Variants in PPARD observed in about 807,000 individuals in gnomAD.
PPARD encodes the protein peroxisome proliferator-activated receptor delta.
PPARD carries 6 observed loss-of-function variants against 39.5 expected under a neutral mutation model. The ratio of observed to expected loss-of-function variants is 0.15; its 90% CI spans 0.08 to 0.30. The LOEUF (loss-of-function observed/expected upper bound fraction) is 0.30, where lower values mean the gene tolerates loss of function less well. Ranked by LOEUF, PPARD falls within the 10% of genes least tolerant of loss-of-function variation. The pLI is 1.00. For missense variants in PPARD, 397 were observed against 596.8 expected (o/e 0.67, Z 3.49); for synonymous variants, 210 against 231.3 (o/e 0.91, Z 0.83).
At chr6:35,406,785 A>G (rs1437876708) in intron 2 of PPARD, among the ~76,000 whole-genome samples, 2 of 152,170 alleles carry the variant, frequency 1.3e-5, no homozygotes, top group Non-Finnish European at 2.9e-5. Context: ...GTTCTGGTGA[A>G]AAAAACCCAC....
At chr6:35,351,570 T>G (rs1422272317) in intron 2 of PPARD, among the ~76,000 whole-genome samples, 1 of 152,142 alleles carries the variant, frequency 6.6e-6, no homozygotes, top group Non-Finnish European at 1.5e-5. Flanking sequence ...TGATTTTGTC[T>G]GAGATAGCAT....
intron 2 of PPARD, among the ~76,000 whole-genome samples, chr6:35,394,669 G>A (rs1438360636): frequency 6.6e-6 from 1 of 151,830 alleles, no homozygotes. Flanking sequence ...TACCTGGGAG[G>A]CTGAGGTGGG....
At chr6:35,360,106 G>C (rs918368444) in intron 2 of PPARD, among the ~76,000 whole-genome samples, 2 of 152,154 alleles carry the variant, frequency 1.3e-5, no homozygotes, top group African/African-American at 4.8e-5. Context: ...TCTCATTCCA[G>C]GTCAGTGGAC....
chr6:35,354,982 G>A (rs1761490956), intron 2 of PPARD, among the ~76,000 whole-genome samples: 2 of 152,142 alleles, frequency 1.3e-5, no homozygotes, highest in African/African-American at 2.4e-5. Flanking sequence ...TCTTCCCTGT[G>A]AGGATTAAAA....
rs377039242 is a variant in PPARD at position 35,424,312 on chromosome 6, C to T, written c.628-17C>T. On this transcript the variant is annotated splice_polypyrimidine_tract_variant and intron_variant, in intron 6 of 7. Transcript: ENST00000360694. This position sits in a 1 kb window ranked among gnomAD's most constrained non-coding sequence, Gnocchi z 7.1. Reference sequence around the variant, plus strand: ...GGGTCTCCCGAGGCCTGATCTCTAACGGGGCCTGGTTTTCAGCCCTTTGTG... The same window carrying T: ...GGGTCTCCCGAGGCCTGATCTCTAATGGGGCCTGGTTTTCAGCCCTTTGTG... 7.3e-5 allele frequency: 117 copies of T among 1,607,934 alleles called. 1 individual carries two copies. Among genetic ancestry groups the T allele is most frequent in the South Asian group, 6.9e-4 (63 of 90,766 alleles).
chr6:35,378,160 C>T (rs1762928781), intron 2 of PPARD, among the ~76,000 whole-genome samples: 1 of 152,136 alleles, frequency 6.6e-6, no homozygotes, highest in Non-Finnish European at 1.5e-5. Flanking sequence ...CTGCGCCTGG[C>T]CACGTATCTC....
chr6:35,395,643 G>A (rs1355322745), intron 2 of PPARD, among the ~76,000 whole-genome samples: 1 of 152,202 alleles, frequency 6.6e-6, no homozygotes, highest in Non-Finnish European at 1.5e-5. Flanking sequence ...TTGGTGACCA[G>A]GGCCAGGCAG....
chr6:35,349,760 A>G (rs926045126), intron 2 of PPARD, among the ~76,000 whole-genome samples: 5 of 149,742 alleles, frequency 3.3e-5, no homozygotes, highest in East Asian at 2.0e-4. Flanking sequence ...TGTTTTTTTG[A>G]GATGGAATCT....
At chr6:35,418,192 A>G (rs965493545) in intron 3 of PPARD, among the ~76,000 whole-genome samples, 1 of 152,262 alleles carries the variant, frequency 6.6e-6, no homozygotes, top group East Asian at 1.9e-4. Context: ...CAACACGAGC[A>G]TATGCTCACG....
rs537737759 is a variant in PPARD, at chr6:35,399,570, T to C, written c.-101-11417T>C. ...TCTCTACTAAAAATACAAAAATTAG[T>C]TGGGTGTGGTGGCATGAATCTGTAG... On this transcript the variant is annotated intron_variant, in intron 2 of 7. Coordinates refer to ENST00000360694, the MANE Select transcript of PPARD (RefSeq NM_006238.5). Among the ~76,000 whole-genome samples the C allele has an allele frequency of 7.5e-4, 112 of 149,068 alleles. 1 individual carries two copies. In the South Asian group the frequency reaches 8.0e-3, roughly 11 times the overall value.
chr6:35,351,083 T>C (rs1248019546), intron 2 of PPARD, among the ~76,000 whole-genome samples: 1 of 152,198 alleles, frequency 6.6e-6, no homozygotes, highest in African/African-American at 2.4e-5. Flanking sequence ...TGGAGTGCAG[T>C]GGCACAATCT....
intron 2 of PPARD, among the ~76,000 whole-genome samples, chr6:35,385,939 A>G (rs1016650701): frequency 6.6e-6 from 1 of 152,018 alleles, no homozygotes; most frequent in Non-Finnish European, 1.5e-5. Context: ...GAGGATCATC[A>G]TTTCAAGGGC....
intron 2 of PPARD, among the ~76,000 whole-genome samples, chr6:35,374,316 G>GGGGGGGT (rs1762669568): frequency 3.3e-5 from 5 of 150,116 alleles, no homozygotes; most frequent in African/African-American, 1.0e-4. Context: ...GGTGGGGCGG[G>GGGGGGGT]GGGGTTTAGT....
intron 2 of PPARD, among the ~76,000 whole-genome samples, chr6:35,370,256 T>C (rs1762410971): frequency 6.6e-6 from 1 of 152,124 alleles, no homozygotes; most frequent in African/African-American, 2.4e-5. Flanking sequence ...GCTGCCCGGG[T>C]CCTCATTGTG....
intron 4 of PPARD, among the ~76,000 whole-genome samples, chr6:35,421,606 C>T (rs529081339): frequency 4.6e-5 from 7 of 152,332 alleles, no homozygotes; most frequent in African/African-American, 1.7e-4. Flanking sequence ...TCTCAAAGTG[C>T]TGGGATTACA....
At chr6:35,346,453 A>G (rs183608538) in intron 1 of PPARD, among the ~76,000 whole-genome samples, 2 of 152,234 alleles carry the variant, frequency 1.3e-5, no homozygotes, top group Admixed American at 6.5e-5. Context: ...TGTCAATGCC[A>G]TGTCCCAGAT....
rs1465797592 is a variant in PPARD, at chr6:35,347,123, A to G, written c.-129A>G. ...ACTCACACAGTGGCTTCTGCTCACCAACAGATGAAGACAGATGCACCAACG... is the reference window on the plus strand; with the variant it reads ...ACTCACACAGTGGCTTCTGCTCACCGACAGATGAAGACAGATGCACCAACG... On this transcript the variant is annotated 5_prime_UTR_variant, in exon 2 of 8. Transcript: ENST00000360694. The G allele has an allele frequency of 6.5e-7, 1 of 1,536,104 alleles. No homozygotes were observed. Among genetic ancestry groups the G allele is most frequent in the Admixed American group, 2.0e-5 (1 of 50,988 alleles).
intron 1 of PPARD, among the ~76,000 whole-genome samples, chr6:35,342,970 C>T (rs1554201082): frequency 6.6e-6 from 1 of 152,018 alleles, no homozygotes; most frequent in Non-Finnish European, 1.5e-5. Flanking sequence ...CCACCCTACT[C>T]TTTGCCCCCT....
At chr6:35,421,095 A>G (rs1766129494) in intron 4 of PPARD, among the ~76,000 whole-genome samples, 2 of 149,804 alleles carry the variant, frequency 1.3e-5, no homozygotes, top group South Asian at 4.2e-4. Context: ...CCAAAGTGCT[A>G]GGATTACAGG....
Sources: gnomAD v4.1 joint callset for allele counts (sites outside exome capture counted in the v4.1 genomes callset) on GRCh38, gnomAD v4.1.1 for gene constraint, Gnocchi (gnomAD v3.1) non-coding constraint, MANE v1.5 for transcripts, NCBI Gene and HGNC (gene_info 2026-07-23, HGNC 2026-07-21) for gene names.